AFF3: variants seen among roughly 807,000 people sequenced by gnomAD.
AFF3 encodes the protein AF4/FMR2 family member 3.
In AFF3, 32 loss-of-function variants were observed where a neutral mutation model predicts 129.7. That is an observed-to-expected ratio of 0.25 (90% CI 0.19 to 0.33). The LOEUF (loss-of-function observed/expected upper bound fraction) is 0.33. Among genes scored for constraint, AFF3 ranks in the 10% least tolerant of loss-of-function variants. The probability of loss-of-function intolerance (pLI) is 1.00; values close to 1 mark genes in which losing one functional copy is unlikely to be tolerated. For synonymous variants in AFF3, 644 were observed against 635.4 expected (o/e 1.01, Z -0.20); for missense variants, 1,373 against 1,592.0 (o/e 0.86, Z 2.34).
At chr2:99,622,791 T>C (rs1682154049) in intron 13 of AFF3, among the ~76,000 whole-genome samples, 1 of 152,210 alleles carries the variant, frequency 6.6e-6, no homozygotes, top group African/African-American at 2.4e-5. Flanking sequence ...ATTCTTTCAT[T>C]GAACTCAGAC....
intron 2 of AFF3, among the ~76,000 whole-genome samples, chr2:100,126,442 T>A (rs1268443111): frequency 6.6e-6 from 1 of 152,192 alleles, no homozygotes; most frequent in African/African-American, 2.4e-5. Flanking sequence ...CAGATCCAGA[T>A]TCTCACAGAG....
chr2:99,926,706 C>CT (rs1272060524), intron 7 of AFF3, among the ~76,000 whole-genome samples: 1 of 34,958 alleles, frequency 2.9e-5, no homozygotes, highest in East Asian at 6.2e-4. Flanking sequence ...CCTGCCCTGC[C>CT]TGGGGGTTAC....
At chr2:99,683,889 T>A (rs557367101) in intron 11 of AFF3, among the ~76,000 whole-genome samples, 1 of 152,358 alleles carries the variant, frequency 6.6e-6, no homozygotes, top group African/African-American at 2.4e-5. Context: ...ATAAATACTA[T>A]GGGAGCACAG....
At chr2:99,658,295 G>A (rs1405926311) in intron 12 of AFF3, among the ~76,000 whole-genome samples, 1 of 152,154 alleles carries the variant, frequency 6.6e-6, no homozygotes, top group Non-Finnish European at 1.5e-5. Flanking sequence ...GATGCCTGGA[G>A]GAGGGCTGGG....
At chr2:99,699,291 G>C (rs1422574219) in intron 11 of AFF3, among the ~76,000 whole-genome samples, 5 of 152,168 alleles carry the variant, frequency 3.3e-5, no homozygotes, top group Admixed American at 3.3e-4. Flanking sequence ...GCTGGTTTCT[G>C]ATGGGCACCC....
At chr2:100,016,664 AGTG>A (rs897784872) in intron 4 of AFF3, among the ~76,000 whole-genome samples, 1 of 84,100 alleles carries the variant, frequency 1.2e-5, no homozygotes, top group African/African-American at 4.8e-5. Flanking sequence ...TGGTGATGAA[AGTG>A]GTGATGGTAC....
chr2:100,068,443 A>T (rs957791616), intron 4 of AFF3, among the ~76,000 whole-genome samples: 4 of 152,144 alleles, frequency 2.6e-5, no homozygotes, highest in Non-Finnish European at 5.9e-5. Flanking sequence ...TTTCTTTTTC[A>T]AGAGGGTGAA....
chr2:100,063,844 C>A (rs1687493904), intron 4 of AFF3, among the ~76,000 whole-genome samples: 1 of 152,084 alleles, frequency 6.6e-6, no homozygotes, highest in Non-Finnish European at 1.5e-5. Flanking sequence ...AACCCCAGAA[C>A]TTTGGGAGGC....
At chr2:99,809,289 A>G (rs1476170535) in intron 8 of AFF3, among the ~76,000 whole-genome samples, 1 of 152,228 alleles carries the variant, frequency 6.6e-6, no homozygotes. Context: ...AGAGAAGAAC[A>G]AGGAGCGGCT....
chr2:99,694,908 T>A (rs146378512), intron 11 of AFF3, among the ~76,000 whole-genome samples: 60 of 152,256 alleles, frequency 3.9e-4, no homozygotes, highest in African/African-American at 1.3e-3. Flanking sequence ...TTTCACTATG[T>A]TCGTCGGGCT....
intron 7 of AFF3, among the ~76,000 whole-genome samples, chr2:99,921,052 CT>C (rs1695824289): frequency 6.6e-6 from 1 of 152,056 alleles, no homozygotes; most frequent in African/African-American, 2.4e-5. Flanking sequence ...GATGTCAATT[CT>C]TCCCAAATTG....
At position 99,879,625 on chromosome 2, in the gene AFF3, G is replaced by A. The variant is rs148017761; in HGVS notation, c.874-42101C>T. On this transcript the variant is annotated intron_variant, in intron 7 of 24. Transcript: ENST00000672756. ...CAAGTCAACAGGGTATAAAAGAATGGTCCTTATACTCTTGTGTATTTTGCC... is the reference window on the plus strand; with the variant it reads ...CAAGTCAACAGGGTATAAAAGAATGATCCTTATACTCTTGTGTATTTTGCC... Among the ~76,000 whole-genome samples, 460 of 152,254 alleles carry A rather than the reference G, an allele frequency of 3.0e-3. 4 individuals carry two copies. Among genetic ancestry groups the A allele is most frequent in the African/African-American group, 0.011 (442 of 41,538 alleles).
chr2:99,838,808 C>T (rs888365824), intron 7 of AFF3, among the ~76,000 whole-genome samples: 13 of 152,180 alleles, frequency 8.5e-5, no homozygotes, highest in African/African-American at 2.9e-4. Context: ...AGAATCAGCA[C>T]TAGGACTTTA....
At chr2:99,837,920 G>A (rs757921714) in intron 7 of AFF3, among the ~76,000 whole-genome samples, 4 of 152,128 alleles carry the variant, frequency 2.6e-5, no homozygotes, top group Admixed American at 1.3e-4. Context: ...AATATATGCC[G>A]TGGGCCTACC....
intron 8 of AFF3, among the ~76,000 whole-genome samples, chr2:99,793,569 G>T (rs1685356371): frequency 1.3e-5 from 2 of 152,174 alleles, no homozygotes; most frequent in African/African-American, 4.8e-5. Flanking sequence ...GCATAAAGTT[G>T]TTAACAGCAG....
intron 2 of AFF3, among the ~76,000 whole-genome samples, chr2:100,110,966 A>ACAC (rs1030729219): frequency 2.0e-5 from 3 of 152,176 alleles, no homozygotes; most frequent in Non-Finnish European, 4.4e-5. Flanking sequence ...CCTGCAGTAG[A>ACAC]CACCACCCCT....
chr2:99,749,515 T>C (rs1423579750), intron 9 of AFF3, among the ~76,000 whole-genome samples: 1 of 152,230 alleles, frequency 6.6e-6, no homozygotes, highest in Non-Finnish European at 1.5e-5. Context: ...ATGTCTATGA[T>C]TCTATTTTGG....
At chr2:100,019,277 T>C (rs1683390883) in intron 4 of AFF3, among the ~76,000 whole-genome samples, 1 of 152,208 alleles carries the variant, frequency 6.6e-6, no homozygotes, top group Non-Finnish European at 1.5e-5. Flanking sequence ...GTGGTTGAAA[T>C]GGGGTTTCTG....
intron 7 of AFF3, among the ~76,000 whole-genome samples, chr2:99,891,131 G>A (rs928970267): frequency 1.3e-5 from 2 of 152,102 alleles, no homozygotes; most frequent in Non-Finnish European, 2.9e-5. Context: ...GGGAGGGAAC[G>A]GACAAGGATT....
Sources: gnomAD v4.1 joint callset for allele counts (sites outside exome capture counted in the v4.1 genomes callset) on GRCh38, gnomAD v4.1.1 for gene constraint, MANE v1.5 for transcripts, NCBI Gene and HGNC (gene_info 2026-07-23, HGNC 2026-07-21) for gene names.